PPP2CA: variants seen among roughly 807,000 people sequenced by gnomAD.
PPP2CA encodes serine/threonine-protein phosphatase 2A catalytic subunit alpha isoform.
In PPP2CA, 5 loss-of-function variants were observed where a neutral mutation model predicts 38.8. The ratio of observed to expected loss-of-function variants is 0.13; its 90% confidence interval spans 0.07 to 0.27. The LOEUF is 0.27. Ranked by LOEUF, PPP2CA falls within the 10% of genes least tolerant of loss-of-function variation. The pLI, the probability that PPP2CA is intolerant of heterozygous loss-of-function variation, is 1.00. For missense variants in PPP2CA, 88 were observed against 389.7 expected, an observed-to-expected ratio of 0.23 and a Z score of 6.52; for synonymous variants, 152 against 134.0, an observed-to-expected ratio of 1.13 and a Z score of -0.93.
At chr5:134,202,112 C>T (rs1761979697) in intron 2 of PPP2CA, 91 bp from the exon 3 acceptor site, 4 of 1,337,674 alleles carry the variant, frequency 3.0e-6, no homozygotes, top group Non-Finnish European at 4.0e-6. Flanking sequence ...AATGCAGTTA[C>T]AATTTTGTTG....
At chr5:134,218,658 G>A (rs1297424175) in intron 1 of PPP2CA, among the ~76,000 whole-genome samples, 2 of 142,216 alleles carry the variant, frequency 1.4e-5, no homozygotes, top group Non-Finnish European at 3.0e-5. Context: ...AGTCTAGATG[G>A]TTGTTTCTTT....
intron 1 of PPP2CA, among the ~76,000 whole-genome samples, chr5:134,218,611 G>A (rs2149387951): frequency 6.6e-6 from 1 of 151,758 alleles, no homozygotes; most frequent in South Asian, 2.1e-4. Flanking sequence ...AACCACTCTG[G>A]GTCTCAGTTT....
intron 2 of PPP2CA, chr5:134,202,283 C>A (rs1051915414): frequency 2.9e-6 from 1 of 346,738 alleles, no homozygotes; most frequent in Non-Finnish European, 5.1e-6. Flanking sequence ...ATTAAAACCC[C>A]ATAAATTACT....
At chr5:134,212,683 T>A (rs1762226716) in intron 1 of PPP2CA, among the ~76,000 whole-genome samples, 1 of 152,246 alleles carries the variant, frequency 6.6e-6, no homozygotes, top group Non-Finnish European at 1.5e-5. Context: ...AAGGTAGGCT[T>A]CTTGCACCAA....
intron 3 of PPP2CA, 80 bp downstream of exon 3, chr5:134,201,768 T>G: frequency 7.0e-7 from 1 of 1,431,612 alleles, no homozygotes; most frequent in East Asian, 2.5e-5. Flanking sequence ...GTGTTAAGAG[T>G]GGAAAGAGTC....
chr5:134,225,510 C>T (rs1263964771), intron 1 of PPP2CA: 2 of 432,062 alleles, frequency 4.6e-6, no homozygotes, highest in Non-Finnish European at 8.3e-6. Context: ...GGCGCCAAGG[C>T]CGGCTGACTC....
chr5:134,201,730 A>AT, intron 3 of PPP2CA, 118 bp downstream of exon 3: 1 of 1,116,846 alleles, frequency 9.0e-7, no homozygotes, highest in East Asian at 2.7e-5. Flanking sequence ...AATGCTATCA[A>AT]TATCTATTAA....
intron 1 of PPP2CA, among the ~76,000 whole-genome samples, chr5:134,216,317 G>A (rs143389153): frequency 0.017 from 2,512 of 151,620 alleles, 78 homozygotes; most frequent in African/African-American, 0.058. Flanking sequence ...TGGGTGGATC[G>A]CTTGAGGTCA....
intron 1 of PPP2CA, among the ~76,000 whole-genome samples, chr5:134,212,622 T>C (rs906728124): frequency 3.9e-5 from 6 of 152,154 alleles, no homozygotes; most frequent in Non-Finnish European, 8.8e-5. Flanking sequence ...AATGAAAAGT[T>C]AGAAATTATT....
At chr5:134,210,635 A>T (rs1365644205) in intron 1 of PPP2CA, among the ~76,000 whole-genome samples, 1 of 152,160 alleles carries the variant, frequency 6.6e-6, no homozygotes, top group East Asian at 1.9e-4. Flanking sequence ...TTTGAGGTCA[A>T]GAGCTTGAGA....
intron 3 of PPP2CA, 121 bp downstream of exon 3, chr5:134,201,727 T>C: frequency 9.1e-7 from 1 of 1,099,420 alleles, no homozygotes; most frequent in Non-Finnish European, 1.3e-6. Flanking sequence ...ATGAATGCTA[T>C]CAATATCTAT....
intron 1 of PPP2CA, among the ~76,000 whole-genome samples, chr5:134,222,108 A>G (rs1367104206): frequency 6.6e-6 from 1 of 152,184 alleles, no homozygotes; most frequent in Non-Finnish European, 1.5e-5. Flanking sequence ...CCAGAACATT[A>G]GGCTTAGAAT....
At chr5:134,199,244 C>A in intron 5 of PPP2CA, 40 bp from the exon 6 acceptor site, 9 of 1,419,028 alleles carry the variant, frequency 6.3e-6, no homozygotes, top group Non-Finnish European at 9.0e-6. Context: ...TTTACTCCCT[C>A]AATTCAACTA....
In PPP2CA at chr5:134,197,935, C is replaced by A. The variant is rs924959371; in HGVS notation, c.858-91G>T. 4.7e-6 allele frequency: 5 copies of A among 1,060,308 alleles called. No individual in the cohort carries two copies. The African/African-American group carries it at 7.8e-5, about 17-fold the overall frequency. The allele number at this position is 1,060,308 out of a possible 1,614,324, so 65.7% of individuals were successfully genotyped here. A position where few individuals can be genotyped will look rare whatever the true frequency, so the allele number is the denominator to read the frequency against. On this transcript the variant is annotated intron_variant, in intron 6 of 6. Transcript: ENST00000481195. ...GAACATGAGTCTTCCAAACTTTACA[C>A]TTCCTATTCAATTTTGGCTTGTCTT...
intron 1 of PPP2CA, 52 bp downstream of exon 1, chr5:134,225,708 C>G: frequency 6.4e-7 from 1 of 1,555,766 alleles, no homozygotes. Flanking sequence ...GCCGCCTTTT[C>G]CTCGGCGGGC....
Position 134,225,944 on chromosome 5 carries a change from G to A in PPP2CA, c.-83C>T. On this transcript the variant is annotated 5_prime_UTR_variant, in exon 1 of 7. Transcript: ENST00000481195. Reference sequence around the variant, plus strand: ...CACGGGCCTACACGCACACGCCGCCGCCGGTTCCTCGTGTACTTCTGGCGG... The same window carrying A: ...CACGGGCCTACACGCACACGCCGCCACCGGTTCCTCGTGTACTTCTGGCGG... 5.4e-6 allele frequency: 7 copies of A among 1,297,452 alleles called. No homozygotes were observed. The highest frequency in any genetic ancestry group is 1.9e-5 in the Admixed American group (1 of 51,680). 80.4% of individuals were successfully genotyped at this position (1,297,452 alleles called of 1,614,324 possible). A position where few individuals can be genotyped will look rare whatever the true frequency, so the allele number is the denominator to read the frequency against.
At chr5:134,224,267 G>A (rs1362511308) in intron 1 of PPP2CA, 6 of 455,226 alleles carry the variant, frequency 1.3e-5, no homozygotes, top group Admixed American at 4.7e-5. Context: ...CTCATTTGAC[G>A]TGAGAGGGTA....
At chr5:134,209,700 C>T (rs1031969193) in intron 1 of PPP2CA, among the ~76,000 whole-genome samples, 3 of 151,906 alleles carry the variant, frequency 2.0e-5, no homozygotes, top group African/African-American at 2.4e-5. Context: ...ATAGCTTGAA[C>T]CTGGGAGGCG....
chr5:134,202,004 G>A lies in PPP2CA; in HGVS notation c.330C>T (p.Arg110=). 1 of 1,610,906 alleles carries A rather than the reference G, an allele frequency of 6.2e-7. No homozygotes were observed. The highest frequency in any genetic ancestry group is 8.5e-7 in the Non-Finnish European group (1 of 1,178,984). Residue 110 remains arginine (R), a synonymous_variant, in exon 3 of 7, where the codon CGC becomes CGT. Coordinates refer to ENST00000481195, the MANE Select transcript of PPP2CA (RefSeq NM_002715.4). ...LVALKVRYRE[R]ITILRGNHES... Reference sequence around the variant, plus strand: ...CATGATTCCCTCGAAGAATGGTGATGCGTTCACGGTAACGAACCTAAAACA... The same window carrying A: ...CATGATTCCCTCGAAGAATGGTGATACGTTCACGGTAACGAACCTAAAACA...
Sources: allele counts gnomAD v4.1 joint callset (sites outside exome capture counted in the v4.1 genomes callset), GRCh38; gene constraint gnomAD v4.1.1; transcripts MANE v1.5; gene names NCBI Gene and HGNC (gene_info 2026-07-23, HGNC 2026-07-21).